Variants in VPS8 observed in about 807,000 individuals in gnomAD.
The protein encoded by VPS8 is vacuolar protein sorting-associated protein 8 homolog.
In VPS8, 129 loss-of-function variants were observed where a neutral mutation model predicts 216.4. The observed-to-expected ratio is 0.60, with a 90% CI of 0.52 to 0.69. VPS8 has a LOEUF of 0.69. Among genes scored for constraint, VPS8 ranks in the 30% least tolerant of loss-of-function variants. The pLI, the probability that VPS8 is intolerant of heterozygous loss-of-function variation, is 0.00. For missense variants in VPS8, 1,531 were observed against 1,683.5 expected (o/e 0.91, Z 1.59); for synonymous variants, 571 against 565.4 (o/e 1.01, Z -0.14).
chr3:184,987,811 T>C (rs1192405704), intron 42 of VPS8, among the ~76,000 whole-genome samples: 1 of 152,242 alleles, frequency 6.6e-6, no homozygotes, highest in East Asian at 1.9e-4. Context: ...TGCCAAACTC[T>C]GCTCCAAAAT....
intron 24 of VPS8, among the ~76,000 whole-genome samples, chr3:184,900,536 G>T (rs1243710364): frequency 6.6e-6 from 1 of 152,132 alleles, no homozygotes; most frequent in Non-Finnish European, 1.5e-5. Flanking sequence ...ATTTCTTTCT[G>T]TGGCTGCTGA....
At chr3:184,934,551 A>G (rs1424871605) in intron 34 of VPS8, among the ~76,000 whole-genome samples, 2 of 152,102 alleles carry the variant, frequency 1.3e-5, no homozygotes, top group East Asian at 1.9e-4. Flanking sequence ...TTCATTTCCA[A>G]CATAAGTATG....
intron 37 of VPS8, among the ~76,000 whole-genome samples, chr3:184,958,758 CAA>C (rs1340298753): frequency 6.6e-6 from 1 of 151,996 alleles, no homozygotes; most frequent in Non-Finnish European, 1.5e-5. Flanking sequence ...CAGATTTAGT[CAA>C]ATTGCAAGTA....
chr3:185,001,640 T>C (rs4686951), intron 45 of VPS8, among the ~76,000 whole-genome samples: 151,851 of 152,236 alleles, frequency 1, 75,735 homozygotes, highest in Non-Finnish European at 1. Flanking sequence ...AAATTATTGG[T>C]CATTTATGAT....
At chr3:185,016,236 A>G (rs993716109) in intron 45 of VPS8, among the ~76,000 whole-genome samples, 1 of 152,228 alleles carries the variant, frequency 6.6e-6, no homozygotes, top group African/African-American at 2.4e-5. Flanking sequence ...ATGTAGTGTC[A>G]TTTACTAAGG....
At chr3:184,838,941 G>A (rs1015199298) in intron 6 of VPS8, 195 bp downstream of exon 6, 2 of 493,892 alleles carry the variant, frequency 4.0e-6, no homozygotes. Flanking sequence ...TTACTTTTTA[G>A]GCTTTTGTTT....
chr3:184,949,681 A>G (rs1744300180), intron 36 of VPS8, among the ~76,000 whole-genome samples: 1 of 152,016 alleles, frequency 6.6e-6, no homozygotes, highest in African/African-American at 2.4e-5. Flanking sequence ...CAGATTTTAT[A>G]GATACTGTCT....
chr3:185,007,301 T>G (rs1485561341), intron 45 of VPS8, among the ~76,000 whole-genome samples: 1 of 152,222 alleles, frequency 6.6e-6, no homozygotes, highest in Non-Finnish European at 1.5e-5. Flanking sequence ...TCAGCTGAAG[T>G]ACTCAACATT....
chr3:184,918,042 G>A (rs1737927974), intron 28 of VPS8, among the ~76,000 whole-genome samples: 1 of 152,194 alleles, frequency 6.6e-6, no homozygotes, highest in Admixed American at 6.5e-5. Flanking sequence ...AGATAAGATG[G>A]AGGCAGGGAG....
chr3:184,824,844 T>G, intron 2 of VPS8, 59 bp downstream of exon 2: 1 of 1,485,766 alleles, frequency 6.7e-7, no homozygotes. Flanking sequence ...TAGAGTATGC[T>G]TTGTGACCCA....
At chr3:184,974,944 G>A (rs1749022907) in intron 40 of VPS8, among the ~76,000 whole-genome samples, 1 of 152,204 alleles carries the variant, frequency 6.6e-6, no homozygotes, top group African/African-American at 2.4e-5. Context: ...GTACTGTGCT[G>A]TTTTGGTTAT....
intron 45 of VPS8, among the ~76,000 whole-genome samples, chr3:185,012,296 TTA>T (rs1264376234): frequency 1.4e-5 from 2 of 147,318 alleles, no homozygotes; most frequent in Non-Finnish European, 3.0e-5. Context: ...AATTTATATA[TTA>T]TATAATTATA....
intron 21 of VPS8, among the ~76,000 whole-genome samples, chr3:184,879,295 A>T (rs988690493): frequency 2.0e-5 from 3 of 152,222 alleles, no homozygotes; most frequent in Admixed American, 1.3e-4. Flanking sequence ...CAAGAGAAGC[A>T]GTCTTTTTTG....
At chr3:184,891,365 G>A (rs559840554) in intron 22 of VPS8, among the ~76,000 whole-genome samples, 2 of 152,256 alleles carry the variant, frequency 1.3e-5, no homozygotes, top group South Asian at 4.2e-4. Flanking sequence ...TAATTATCAA[G>A]ACTTGTTGAG....
chr3:184,954,610 A>G (rs1458855324), intron 36 of VPS8, among the ~76,000 whole-genome samples: 3 of 152,166 alleles, frequency 2.0e-5, no homozygotes, highest in African/African-American at 7.2e-5. Context: ...CCGTGTCCCT[A>G]GATTTATCAT....
In VPS8 at chr3:184,983,923, G is replaced by A. The variant is rs559799071; in HGVS notation, c.3585+829G>A. Among the ~76,000 whole-genome samples, 5 of 151,734 alleles carry A rather than the reference G, an allele frequency of 3.3e-5. No homozygotes were observed. The East Asian group carries it at 7.9e-4, about 24-fold the overall frequency. On this transcript the variant is annotated intron_variant, in intron 42 of 47. Coordinates refer to ENST00000625842, the MANE Select transcript of VPS8 (RefSeq NM_001009921.3). ...AGCTTGGCCGGGCGTGGTGGCTCAC[G>A]CCTGTAATCCCAGCACTTTGGGAAG... is the stretch of plus-strand genomic sequence containing the variant.
At chr3:184,975,048 G>C (rs1049295684) in intron 40 of VPS8, among the ~76,000 whole-genome samples, 2 of 151,996 alleles carry the variant, frequency 1.3e-5, no homozygotes, top group Non-Finnish European at 2.9e-5. Flanking sequence ...GGGATTTTTT[G>C]TAGTTCCATA....
At chr3:184,825,309 C>T (rs1718516584) in intron 2 of VPS8, among the ~76,000 whole-genome samples, 1 of 152,186 alleles carries the variant, frequency 6.6e-6, no homozygotes, top group South Asian at 2.1e-4. Context: ...CACTGGCATG[C>T]AGCTATGTAA....
chr3:184,866,764 T>A (rs1727433430), intron 16 of VPS8, 112 bp from the exon 17 acceptor site: 2 of 938,692 alleles, frequency 2.1e-6, no homozygotes, highest in Non-Finnish European at 3.2e-6. Flanking sequence ...TAAACTATAA[T>A]CACTAAAAAA....
Sources: gnomAD v4.1 joint callset for allele counts (sites outside exome capture counted in the v4.1 genomes callset) on GRCh38, gnomAD v4.1.1 for gene constraint, MANE v1.5 for transcripts, NCBI Gene and HGNC (gene_info 2026-07-23, HGNC 2026-07-21) for gene names.